Variants in IL1RAPL1 observed in about 807,000 individuals in gnomAD.
IL1RAPL1 encodes the protein interleukin 1 receptor accessory protein like 1, also known as interleukin-1 receptor accessory protein-like 1.
IL1RAPL1 carries 3 observed loss-of-function variants against 48.4 expected under a neutral mutation model. The ratio of observed to expected loss-of-function variants is 0.06; its 90% CI spans 0.03 to 0.16. IL1RAPL1 has a LOEUF of 0.16. Among genes scored for constraint, IL1RAPL1 ranks in the 10% least tolerant of loss-of-function variants. The probability of loss-of-function intolerance (pLI) is 1.00; values close to 1 mark genes in which losing one functional copy is unlikely to be tolerated. For synonymous variants in IL1RAPL1, 185 were observed against 187.7 expected (o/e 0.99, Z 0.12); for missense variants, 349 against 530.6 (o/e 0.66, Z 3.36).
At chrX:29,344,046 G>C (rs1474978762) in intron 3 of IL1RAPL1, among the ~76,000 whole-genome samples, 1 of 112,349 alleles carries the variant, frequency 8.9e-6, no homozygotes, top group African/African-American at 3.2e-5. Flanking sequence ...TATTTTCAAA[G>C]CTTTGCCATA....
At chrX:29,951,676 A>C (rs1248314554) in intron 9 of IL1RAPL1, among the ~76,000 whole-genome samples, 1 of 112,235 alleles carries the variant, frequency 8.9e-6, no homozygotes. Context: ...TTTTGACATT[A>C]AAGAAATGAG....
intron 5 of IL1RAPL1, among the ~76,000 whole-genome samples, chrX:29,410,852 A>G (rs1370102162): frequency 8.9e-6 from 1 of 112,177 alleles, no homozygotes; most frequent in Non-Finnish European, 1.9e-5. Flanking sequence ...TGAAGTTTAG[A>G]AGTAATAGAC....
At chrX:29,565,745 A>G (rs911496952) in intron 5 of IL1RAPL1, among the ~76,000 whole-genome samples, 1 of 111,967 alleles carries the variant, frequency 8.9e-6, no homozygotes, top group African/African-American at 3.2e-5. Flanking sequence ...ATACTAATAC[A>G]TGTATATAAA....
At chrX:29,762,733 G>A (rs1369404668) in intron 6 of IL1RAPL1, among the ~76,000 whole-genome samples, 3 of 111,906 alleles carry the variant, frequency 2.7e-5, no homozygotes, top group South Asian at 3.7e-4. Flanking sequence ...CAACTGATGC[G>A]AATTTTGCTT....
chrX:28,827,467 G>C (rs1937005662), intron 2 of IL1RAPL1, among the ~76,000 whole-genome samples: 1 of 111,215 alleles, frequency 9.0e-6, no homozygotes, highest in Non-Finnish European at 1.9e-5. Context: ...TTTTGATGTA[G>C]ACTATGTAAA....
chrX:29,800,843 A>G (rs1929860096), intron 6 of IL1RAPL1, among the ~76,000 whole-genome samples: 1 of 96,983 alleles, frequency 1.0e-5, no homozygotes, highest in Non-Finnish European at 2.1e-5. Flanking sequence ...AAAAAAAAAA[A>G]AAAAAAATTA....
chrX:29,612,808 T>A (rs760756794), intron 5 of IL1RAPL1, among the ~76,000 whole-genome samples: 1 of 112,373 alleles, frequency 8.9e-6, no homozygotes, highest in Non-Finnish European at 1.9e-5. Flanking sequence ...GGTGACATGC[T>A]ACCTAACACT....
At chrX:28,890,816 C>T (rs1287504228) in intron 2 of IL1RAPL1, among the ~76,000 whole-genome samples, 1 of 111,686 alleles carries the variant, frequency 9.0e-6, no homozygotes, top group Non-Finnish European at 1.9e-5. Flanking sequence ...ATTATTGTGC[C>T]CTCATAGAAA....
intron 5 of IL1RAPL1, among the ~76,000 whole-genome samples, chrX:29,407,356 G>A (rs1408246860): frequency 8.9e-6 from 1 of 111,866 alleles, no homozygotes; most frequent in Non-Finnish European, 1.9e-5. Flanking sequence ...CATTTTGCCT[G>A]GTTTTGAAAC....
intron 6 of IL1RAPL1, among the ~76,000 whole-genome samples, chrX:29,874,056 T>C (rs1015170865): frequency 8.9e-6 from 1 of 112,367 alleles, no homozygotes; most frequent in East Asian, 2.8e-4. Context: ...TCAATGTGTT[T>C]TCTAGCATCT....
At chrX:29,669,351 G>A (rs1401570131) in intron 6 of IL1RAPL1, among the ~76,000 whole-genome samples, 1 of 111,487 alleles carries the variant, frequency 9.0e-6, no homozygotes, top group Non-Finnish European at 1.9e-5. Flanking sequence ...ATCCATGTTT[G>A]TTAAGGAATT....
intron 2 of IL1RAPL1, among the ~76,000 whole-genome samples, chrX:28,930,972 G>A (rs1923866570): frequency 9.0e-6 from 1 of 110,810 alleles, no homozygotes; most frequent in Non-Finnish European, 1.9e-5. Flanking sequence ...AACCATCTAA[G>A]GGAGGTGTTT....
At chrX:29,373,867 A>ATT (rs59750110) in intron 3 of IL1RAPL1, among the ~76,000 whole-genome samples, 288 of 21,625 alleles carry the variant, frequency 0.013, 63 homozygotes, top group African/African-American at 0.059. Context: ...TCTCTTTTTA[A>ATT]TTTTTTTTTT....
chrX:29,651,591 T>G (rs934245047), intron 5 of IL1RAPL1, among the ~76,000 whole-genome samples: 1 of 111,387 alleles, frequency 9.0e-6, no homozygotes, highest in Admixed American at 9.6e-5. Flanking sequence ...GGTAGAACTT[T>G]GAGTGATGGA....
intron 6 of IL1RAPL1, among the ~76,000 whole-genome samples, chrX:29,742,475 C>T (rs377048943): frequency 2.7e-5 from 3 of 109,997 alleles, no homozygotes; most frequent in Non-Finnish European, 5.7e-5. Context: ...AGAAAAAACA[C>T]GGCTATGACC....
intron 1 of IL1RAPL1, among the ~76,000 whole-genome samples, chrX:28,713,059 AT>A (rs1332504571): frequency 3.7e-5 from 4 of 107,016 alleles, no homozygotes; most frequent in Non-Finnish European, 3.9e-5. Flanking sequence ...AAATATATCT[AT>A]TTTTTTTTTC....
intron 2 of IL1RAPL1, among the ~76,000 whole-genome samples, chrX:29,144,601 C>T (rs1929309234): frequency 1.6e-5 from 1 of 63,118 alleles, no homozygotes; most frequent in African/African-American, 6.6e-5. Context: ...GAAACTCAGT[C>T]TCAAAAAAAA....
intron 6 of IL1RAPL1, among the ~76,000 whole-genome samples, chrX:29,770,576 C>G (rs1929040564): frequency 8.9e-6 from 1 of 111,758 alleles, no homozygotes; most frequent in Non-Finnish European, 1.9e-5. Flanking sequence ...CCATATTGTA[C>G]AGATGAGGAA....
chrX:29,041,089 A>G (rs771936645), intron 2 of IL1RAPL1, among the ~76,000 whole-genome samples: 1 of 111,922 alleles, frequency 8.9e-6, no homozygotes, highest in South Asian at 3.7e-4. Flanking sequence ...ATGTTTCCTC[A>G]TAGAGCATAA....
Sources: gnomAD v4.1 joint callset for allele counts (sites outside exome capture counted in the v4.1 genomes callset) on GRCh38, gnomAD v4.1.1 for gene constraint, MANE v1.5 for transcripts, NCBI Gene and HGNC (gene_info 2026-07-23, HGNC 2026-07-21) for gene names.